Variants in DROSHA observed in about 807,000 individuals in gnomAD.
DROSHA encodes drosha ribonuclease III, also known as ribonuclease 3.
DROSHA carries 56 observed loss-of-function variants against 181.9 expected under a neutral mutation model. That is an observed-to-expected ratio of 0.31 (90% CI 0.25 to 0.38). DROSHA has a LOEUF of 0.38. Among genes scored for constraint, DROSHA ranks in the 10% least tolerant of loss-of-function variants. The pLI is 1.00. For missense variants in DROSHA, 1,218 were observed against 1,743.5 expected (o/e 0.70, Z 5.37); for synonymous variants, 524 against 591.2 (o/e 0.89, Z 1.65).
At chr5:31,508,836 TTC>T in intron 9 of DROSHA, 61 bp from the exon 10 acceptor site, 2 of 1,537,500 alleles carry the variant, frequency 1.3e-6, no homozygotes, top group Non-Finnish European at 8.8e-7. Flanking sequence ...GTTTTTTTTT[TTC>T]CCTGAGTTGG....
rs770138873 is a variant in DROSHA at position 31,526,090 on chromosome 5, G to A, written c.843C>T (p.Tyr281=). The A allele has an allele frequency of 1.3e-5, 20 of 1,591,076 alleles. No individual in the cohort carries two copies. Among genetic ancestry groups the A allele is most frequent in the African/African-American group, 6.7e-5 (5 of 74,536 alleles). The change falls in exon 5 of 36, where the codon TAC becomes TAT. Residue 281 remains tyrosine, a synonymous_variant. Coordinates refer to ENST00000344624, the MANE Select transcript of DROSHA (RefSeq NM_001382508.1). ...RGRTPSRHRS[Y]ERSRERERER... Reference sequence around the variant, plus strand: ...CACAAGCGGTTTACCTGCTCCGTTCGTAGCTGCGGTGGCGAGATGGTGTTC... The same window carrying A: ...CACAAGCGGTTTACCTGCTCCGTTCATAGCTGCGGTGGCGAGATGGTGTTC...
intron 25 of DROSHA, among the ~76,000 whole-genome samples, chr5:31,434,924 T>C (rs1744607119): frequency 6.6e-6 from 1 of 152,266 alleles, no homozygotes; most frequent in Non-Finnish European, 1.5e-5. Context: ...AACATCTTTG[T>C]GTAATTACTA....
chr5:31,463,265 T>C lies in DROSHA; in HGVS notation c.2574+971A>G, dbSNP rs115849947. On this transcript the variant is annotated intron_variant, in intron 20 of 35. Transcript: ENST00000344624. ...GCAATATTACACCAATAGCAGTTCA[T>C]CTTAATGCAAAAATAGTTAGCTTTG... Among the ~76,000 whole-genome samples, 608 of 152,308 alleles carry C rather than the reference T, an allele frequency of 4.0e-3. 4 individuals carry two copies. The highest frequency in any genetic ancestry group is 0.014 in the African/African-American group (581 of 41,578).
intron 11 of DROSHA, among the ~76,000 whole-genome samples, chr5:31,499,308 A>ATGTG (rs1753331581): frequency 6.6e-6 from 1 of 152,200 alleles, no homozygotes; most frequent in Admixed American, 6.5e-5. Context: ...TCATGCACCC[A>ATGTG]AAACTCCATC....
intron 23 of DROSHA, among the ~76,000 whole-genome samples, chr5:31,441,513 T>C (rs1332437741): frequency 6.6e-6 from 1 of 152,130 alleles, no homozygotes; most frequent in Non-Finnish European, 1.5e-5. Flanking sequence ...TAGCCAAGAG[T>C]GACTCAAAAG....
chr5:31,490,612 A>G (rs1752294368), intron 13 of DROSHA, among the ~76,000 whole-genome samples: 1 of 152,216 alleles, frequency 6.6e-6, no homozygotes, highest in Admixed American at 6.5e-5. Flanking sequence ...ATCCACTTCA[A>G]TTCAAGACCT....
chr5:31,464,105 T>G (rs1200570383), intron 20 of DROSHA, 131 bp downstream of exon 20: 10 of 761,300 alleles, frequency 1.3e-5, no homozygotes, highest in Non-Finnish European at 2.1e-5. Flanking sequence ...AAACAATTTA[T>G]AGTTGATATT....
At chr5:31,456,209 T>A (rs1474374552) in intron 20 of DROSHA, among the ~76,000 whole-genome samples, 2 of 152,186 alleles carry the variant, frequency 1.3e-5, no homozygotes, top group African/African-American at 4.8e-5. Context: ...ATCTGATGAT[T>A]ACTTGCAAAT....
chr5:31,409,428 G>T lies in DROSHA; in HGVS notation c.3668-96C>A, dbSNP rs1335197190. On this transcript the variant is annotated intron_variant, in intron 31 of 35. Transcript: ENST00000344624. This position sits in a 1 kb window ranked among gnomAD's most constrained non-coding sequence, Gnocchi z 4.0. ...ACCTTTAAGCAAAATTTTAGTAATA[G>T]TTTCAACTTCCAGGCCCTCTTTATT... The T allele has an allele frequency of 1.8e-6, 2 of 1,100,570 alleles. No individual in the cohort carries two copies. The highest frequency in any genetic ancestry group is 2.6e-6 in the Non-Finnish European group (2 of 768,340). The allele number at this position is 1,100,570 out of a possible 1,614,324, so 68.2% of individuals were successfully genotyped here.
chr5:31,405,876 C>T (rs2149984531), intron 34 of DROSHA, among the ~76,000 whole-genome samples, 153 bp from the exon 35 acceptor site: 1 of 141,700 alleles, frequency 7.1e-6, no homozygotes, highest in East Asian at 2.2e-4. Context: ...CTTACAGTGT[C>T]ACACACTGAA....
At chr5:31,451,281 A>G (rs770067311) in intron 21 of DROSHA, among the ~76,000 whole-genome samples, 5 of 152,208 alleles carry the variant, frequency 3.3e-5, no homozygotes, top group Non-Finnish European at 5.9e-5. Context: ...TAAAGGAGGA[A>G]AAGTCGGAAT....
chr5:31,406,807 CA>C, intron 34 of DROSHA, 45 bp downstream of exon 34: 1 of 1,559,062 alleles, frequency 6.4e-7, no homozygotes. Flanking sequence ...GAATTAGACA[CA>C]CAGGATGTTC....
chr5:31,414,075 G>A (rs959259299), intron 30 of DROSHA, among the ~76,000 whole-genome samples: 1 of 152,188 alleles, frequency 6.6e-6, no homozygotes, highest in African/African-American at 2.4e-5. Flanking sequence ...ACCACTGGGT[G>A]GACCTGGAGG....
chr5:31,471,815 C>T (rs1032914169), intron 17 of DROSHA, among the ~76,000 whole-genome samples: 3 of 152,038 alleles, frequency 2.0e-5, no homozygotes, highest in South Asian at 2.1e-4. Flanking sequence ...CTGCAACATG[C>T]GTCAAAAGCC....
At chr5:31,448,460 A>T in intron 23 of DROSHA, 87 bp downstream of exon 23, 1 of 1,244,140 alleles carries the variant, frequency 8.0e-7, no homozygotes, top group Non-Finnish European at 1.2e-6. Context: ...CATACTAAAA[A>T]CCACTGAATT....
intron 30 of DROSHA, among the ~76,000 whole-genome samples, chr5:31,415,483 T>C (rs549796570): frequency 2.2e-4 from 34 of 152,344 alleles, no homozygotes; most frequent in Non-Finnish European, 3.8e-4. Context: ...GTAATCTATC[T>C]TCTCAACGAG....
At chr5:31,456,120 A>T (rs755114647) in intron 20 of DROSHA, among the ~76,000 whole-genome samples, 1 of 152,204 alleles carries the variant, frequency 6.6e-6, no homozygotes, top group Non-Finnish European at 1.5e-5. Context: ...CTGTTTCTAT[A>T]AGCCCTTCTT....
At chr5:31,511,413 C>T (rs1738651092) in intron 8 of DROSHA, among the ~76,000 whole-genome samples, 1 of 152,134 alleles carries the variant, frequency 6.6e-6, no homozygotes, top group African/African-American at 2.4e-5. Context: ...CATTCAGAAA[C>T]ATTAGAACAG....
Position 31,484,953 on chromosome 5 carries a change from C to T in DROSHA, c.1924G>A (p.Val642Met). Residue 642 changes from valine (V) to methionine (M), a missense_variant, in exon 15 of 36, where the codon GTG (valine) becomes ATG (methionine). Val to Met is a conservative substitution (Grantham distance 21). Transcript: ENST00000344624. ...AGTGAAAAGAGTTCAAGCCCTTTCA[C>T]ACAAAAATTCTGAAAAATAAACCAA... ...IEEMMPENFC[V>M]KGLELFSLFL... 1 of 1,539,302 alleles carries T rather than the reference C, an allele frequency of 6.5e-7. No individual in the cohort carries two copies. Among genetic ancestry groups the T allele is most frequent in the South Asian group, 1.2e-5 (1 of 80,416 alleles).
Sources: allele counts gnomAD v4.1 joint callset (sites outside exome capture counted in the v4.1 genomes callset), GRCh38; gene constraint gnomAD v4.1.1; non-coding constraint Gnocchi (gnomAD v3.1); transcripts MANE v1.5; gene names NCBI Gene and HGNC (gene_info 2026-07-23, HGNC 2026-07-21).